The following SLC45A2 variants were observed in gnomAD, a reference collection of about 807,000 sequenced individuals.
SLC45A2 encodes the protein solute carrier family 45 member 2, also known as membrane-associated transporter protein.
In SLC45A2, 36 loss-of-function variants were observed where a neutral mutation model predicts 45.5. The observed-to-expected ratio is 0.79, with a 90% CI of 0.61 to 1.04. SLC45A2 has a LOEUF of 1.04. Among genes scored for constraint, SLC45A2 ranks in the 50% least tolerant of loss-of-function variants. The probability of loss-of-function intolerance (pLI) is 0.00; values close to 1 mark genes in which losing one functional copy is unlikely to be tolerated. For missense variants in SLC45A2, 719 were observed against 671.0 expected, an observed-to-expected ratio of 1.07 and a Z score of -0.79; for synonymous variants, 306 against 269.3, an observed-to-expected ratio of 1.14 and a Z score of -1.33.
At chr5:33,948,311 C>G (rs897652038) in intron 5 of SLC45A2, among the ~76,000 whole-genome samples, 1 of 152,194 alleles carries the variant, frequency 6.6e-6, no homozygotes, top group Non-Finnish European at 1.5e-5. Context: ...AAACATTTTA[C>G]AAGGTTTTCT....
At chr5:33,946,884 C>T (rs985864604) in intron 6 of SLC45A2, 44 of 1,388,792 alleles carry the variant, frequency 3.2e-5, no homozygotes, top group Non-Finnish European at 3.7e-5. Context: ...CTCAGCCTCA[C>T]CAAGCCTTTT....
chr5:33,984,275 T>G lies in SLC45A2; in HGVS notation c.309A>C (p.Arg103Ser). 1 of 1,613,886 alleles carries G rather than the reference T, an allele frequency of 6.2e-7. No individual in the cohort carries two copies. The highest frequency in any genetic ancestry group is 8.5e-7 in the Non-Finnish European group (1 of 1,179,974). The change falls in exon 1 of 7, where the codon AGA becomes AGC. Residue 103 changes from arginine (R) to serine (S), a missense_variant. Transcript: ENST00000296589. The part of the protein sequence containing the change: ...DHCRSRWGRR[R>S]PYILTLGVMM... The stretch of plus-strand genomic sequence containing the variant: ...TGACTCCCAGGGTGAGGATGTAGGG[T>G]CTCCGGCGGCCCCACCTGGACCGGC...
chr5:33,946,382 C>T (rs1448375864), intron 6 of SLC45A2: 2 of 985,376 alleles, frequency 2.0e-6, no homozygotes, highest in Non-Finnish European at 2.4e-6. Context: ...TTTGCAGTTT[C>T]ATGCTGAGCT....
At position 33,964,029 on chromosome 5, in the gene SLC45A2, A is replaced by G. The variant is rs756085786; in HGVS notation, c.563-13T>C. The G allele has an allele frequency of 1.2e-6, 2 of 1,613,030 alleles. No homozygotes were observed. The highest frequency in any genetic ancestry group is 1.1e-5 in the South Asian group (1 of 90,944). On this transcript the variant is annotated splice_polypyrimidine_tract_variant and intron_variant, in intron 2 of 6. Coordinates refer to ENST00000296589, the MANE Select transcript of SLC45A2 (RefSeq NM_016180.5). Reference sequence around the variant, plus strand: ...GCACCTCCAAAACCTGGAAAGCAAGAAAAGCTATGTTAGCATATTTAGCAA... The same window carrying G: ...GCACCTCCAAAACCTGGAAAGCAAGGAAAGCTATGTTAGCATATTTAGCAA...
chr5:33,954,592 T>C (rs1752221901), intron 3 of SLC45A2, 88 bp from the exon 4 acceptor site: 1 of 1,569,390 alleles, frequency 6.4e-7, no homozygotes, highest in Non-Finnish European at 8.7e-7. Flanking sequence ...ATGTTATGTA[T>C]TTGTCAGTCA....
At chr5:33,972,170 G>T (rs1400094571) in intron 2 of SLC45A2, 3 of 520,894 alleles carry the variant, frequency 5.8e-6, no homozygotes, top group East Asian at 1.1e-4. Flanking sequence ...TTTTATGGAT[G>T]AATTAGATGC....
At chr5:33,983,882 A>G (rs1753154345) in intron 1 of SLC45A2, among the ~76,000 whole-genome samples, 1 of 152,240 alleles carries the variant, frequency 6.6e-6, no homozygotes, top group African/African-American at 2.4e-5. Context: ...TGGGCTCAAA[A>G]AGTAACTCAA....
At chr5:33,959,468 G>A (rs1195347204) in intron 3 of SLC45A2, among the ~76,000 whole-genome samples, 1 of 152,070 alleles carries the variant, frequency 6.6e-6, no homozygotes, top group Non-Finnish European at 1.5e-5. Flanking sequence ...GGGAAAGGGG[G>A]TTGAGTCCAG....
intron 4 of SLC45A2, among the ~76,000 whole-genome samples, chr5:33,954,105 A>G: frequency 6.6e-6 from 1 of 151,960 alleles, no homozygotes. Context: ...CCACACATTA[A>G]TAATGGGAGA....
At chr5:33,945,653 C>T (rs35405) in intron 6 of SLC45A2, among the ~76,000 whole-genome samples, 51,339 of 151,392 alleles carry the variant, frequency 0.34, 9,717 homozygotes, top group Non-Finnish European at 0.44. Flanking sequence ...CATTTTGAGT[C>T]TTTGTCGGGT....
intron 2 of SLC45A2, among the ~76,000 whole-genome samples, chr5:33,976,118 T>C (rs1157346707): frequency 6.6e-6 from 1 of 152,178 alleles, no homozygotes; most frequent in African/African-American, 2.4e-5. Context: ...GCCACTGTTT[T>C]GTGGGCGTTA....
In SLC45A2 at chr5:33,954,390, T is replaced by A; in HGVS notation, c.1003A>T (p.Met335Leu). 6.2e-7 allele frequency: 1 copy of A among 1,614,090 alleles called. No individual in the cohort carries two copies. The highest frequency in any genetic ancestry group is 8.5e-7 in the Non-Finnish European group (1 of 1,179,990). ...LIGWTAFLSN[M>L]LFFTDFMGQI... is the part of the protein sequence containing the mutation. ...CCCATGAAATCTGTGAAGAACAGCA[T>A]GTTGGACAGGAAGGCTGTCCATCCA... is the stretch of plus-strand genomic sequence containing the variant. Residue 335 changes from methionine (M) to leucine (L), a missense_variant, in exon 4 of 7, where the codon ATG becomes TTG. Coordinates refer to ENST00000296589, the MANE Select transcript of SLC45A2 (RefSeq NM_016180.5).
At chr5:33,984,155 T>A (rs1230564589) in intron 1 of SLC45A2, 44 bp downstream of exon 1, 1 of 1,611,662 alleles carries the variant, frequency 6.2e-7, no homozygotes, top group African/African-American at 1.3e-5. Flanking sequence ...AGGTACACAC[T>A]AAGACACATA....
chr5:33,955,705 T>C (rs1228328157), intron 3 of SLC45A2, among the ~76,000 whole-genome samples: 1 of 152,132 alleles, frequency 6.6e-6, no homozygotes, highest in African/African-American at 2.4e-5. Context: ...GGAAAATGCA[T>C]ATTATGAAAA....
intron 3 of SLC45A2, among the ~76,000 whole-genome samples, chr5:33,963,343 A>C (rs1468602832): frequency 2.6e-5 from 4 of 152,198 alleles, no homozygotes; most frequent in Non-Finnish European, 4.4e-5. Flanking sequence ...CATTTGGAGG[A>C]AAAAATTTCT....
intron 2 of SLC45A2, among the ~76,000 whole-genome samples, chr5:33,977,498 T>A (rs896215413): frequency 3.9e-5 from 6 of 152,176 alleles, no homozygotes; most frequent in African/African-American, 1.4e-4. Flanking sequence ...TACCTGCAGT[T>A]TCGAAGAGAA....
At chr5:33,980,377 C>T (rs966266214) in intron 2 of SLC45A2, among the ~76,000 whole-genome samples, 5 of 152,146 alleles carry the variant, frequency 3.3e-5, no homozygotes, top group Admixed American at 2.6e-4. Flanking sequence ...CACTGAATTC[C>T]TAAAATTTGA....
At chr5:33,979,338 A>G (rs1753010877) in intron 2 of SLC45A2, among the ~76,000 whole-genome samples, 1 of 152,240 alleles carries the variant, frequency 6.6e-6, no homozygotes, top group Non-Finnish European at 1.5e-5. Context: ...AAGCAATAGA[A>G]GAGAGCGTCT....
At chr5:33,984,079 C>G (rs771501517) in intron 1 of SLC45A2, 120 bp downstream of exon 1, 1 of 1,437,704 alleles carries the variant, frequency 7.0e-7, no homozygotes, top group Non-Finnish European at 9.6e-7. Context: ...TCATTGTAAC[C>G]TAGGAGAGAT....
Sources: gnomAD v4.1 joint callset for allele counts (sites outside exome capture counted in the v4.1 genomes callset) on GRCh38, gnomAD v4.1.1 for gene constraint, MANE v1.5 for transcripts, NCBI Gene and HGNC (gene_info 2026-07-23, HGNC 2026-07-21) for gene names.